DDX42: variants seen among roughly 807,000 people sequenced by gnomAD.
DDX42 encodes the protein DEAD-box helicase 42.
In DDX42, 22 loss-of-function variants were observed where a neutral mutation model predicts 101.5. The observed-to-expected ratio is 0.22, with a 90% CI of 0.15 to 0.31. The LOEUF (loss-of-function observed/expected upper bound fraction) is 0.31, where lower values mean the gene tolerates loss of function less well. Among genes scored for constraint, DDX42 ranks in the 10% least tolerant of loss-of-function variants. The pLI is 1.00. For missense variants in DDX42, 849 were observed against 1,199.9 expected, an observed-to-expected ratio of 0.71 and a Z score of 4.32; for synonymous variants, 402 against 401.2, an observed-to-expected ratio of 1.00 and a Z score of -0.02.
intron 11 of DDX42, among the ~76,000 whole-genome samples, chr17:63,809,920 C>G (rs559205159): frequency 1.3e-5 from 2 of 152,156 alleles, no homozygotes; most frequent in Admixed American, 1.3e-4. Flanking sequence ...TATCCATATG[C>G]CTTTGATCAT....
intron 16 of DDX42, 90 bp downstream of exon 16, chr17:63,815,763 C>A: frequency 1.1e-6 from 1 of 882,234 alleles, no homozygotes; most frequent in South Asian, 1.8e-5. Flanking sequence ...AGGAAAGCCT[C>A]AGTGAGTTTA....
intron 3 of DDX42, among the ~76,000 whole-genome samples, chr17:63,793,988 T>C (rs937334404): frequency 1.3e-5 from 2 of 152,056 alleles, no homozygotes; most frequent in African/African-American, 4.8e-5. Flanking sequence ...TAATTTCGCT[T>C]GCTTAGTAGT....
At chr17:63,813,152 G>A (rs1463402300) in intron 14 of DDX42, 76 bp from the exon 15 acceptor site, 5 of 1,354,500 alleles carry the variant, frequency 3.7e-6, no homozygotes. Flanking sequence ...TGGCTTATTA[G>A]CACTAGCATT....
At chr17:63,804,489 G>A (rs1009875542) in intron 6 of DDX42, among the ~76,000 whole-genome samples, 12 of 152,160 alleles carry the variant, frequency 7.9e-5, no homozygotes, top group African/African-American at 2.9e-4. Context: ...TAAAAGCAGA[G>A]CTATCTCCAA....
At position 63,793,000 on chromosome 17, in the gene DDX42, T is replaced by A. The variant is rs151219061; in HGVS notation, c.372+438T>A. ...ATGACCTCCCTGTAGAAATTTAACC[T>A]CATGACCACCTCCTTGAAACTCTTC... On this transcript the variant is annotated intron_variant, in intron 3 of 17. Transcript: ENST00000389924. Among the ~76,000 whole-genome samples the A allele has an allele frequency of 8.7e-3, 1,317 of 152,206 alleles. 18 individuals are homozygous for A. The highest frequency in any genetic ancestry group is 0.03 in the African/African-American group (1,263 of 41,468).
intron 3 of DDX42, among the ~76,000 whole-genome samples, chr17:63,793,503 A>G (rs7214312): frequency 0.28 from 42,445 of 152,002 alleles, 6,302 homozygotes; most frequent in Middle Eastern, 0.37. Flanking sequence ...TCTAGCCTCA[A>G]GTGATCCTCT....
Position 63,818,617 on chromosome 17 carries a change from T to G in DDX42, c.*219T>G, listed in dbSNP as rs548850963. 55 of 519,812 alleles carry G rather than the reference T, an allele frequency of 1.1e-4. No individual in the cohort carries two copies. Among genetic ancestry groups the G allele is most frequent in the South Asian group, 4.8e-4 (19 of 39,888 alleles). 32.2% of individuals were successfully genotyped at this position (519,812 alleles called of 1,614,324 possible). A position where few individuals can be genotyped will look rare whatever the true frequency, so the allele number is the denominator to read the frequency against. On this transcript the variant is annotated 3_prime_UTR_variant, in exon 18 of 18. Coordinates refer to ENST00000389924, the MANE Select transcript of DDX42 (RefSeq NM_203499.3). ...TGGAAGCAGTGAGAGCTGGGAAGCT[T>G]CTTTTGGCTCTAGGTGAGTTGTCAT...
At chr17:63,775,613 A>G (rs920773941) in intron 1 of DDX42, among the ~76,000 whole-genome samples, 7 of 152,170 alleles carry the variant, frequency 4.6e-5, no homozygotes, top group Non-Finnish European at 8.8e-5. Context: ...GTTCCAAGCT[A>G]GAGAATAACA....
At position 63,791,025 on chromosome 17, in the gene DDX42, G is replaced by A. The variant is rs1049043213; in HGVS notation, c.222-1387G>A. On this transcript the variant is annotated intron_variant, in intron 2 of 17. Transcript: ENST00000389924. Reference sequence around the variant, plus strand: ...AGTGTGTATATATATGTATGCATGTGTGTATATAGCATAACAGTTAAAGCT... The same window carrying A: ...AGTGTGTATATATATGTATGCATGTATGTATATAGCATAACAGTTAAAGCT... Among the ~76,000 whole-genome samples the A allele has an allele frequency of 4.6e-5, 7 of 152,344 alleles. No homozygotes were observed. The East Asian group carries it at 1.2e-3, about 25-fold the overall frequency.
chr17:63,810,046 G>A (rs964291979), intron 11 of DDX42, among the ~76,000 whole-genome samples: 1 of 152,038 alleles, frequency 6.6e-6, no homozygotes, highest in East Asian at 1.9e-4. Flanking sequence ...TAGCCCAGTT[G>A]GATGGAGGGA....
At chr17:63,814,675 CTTTTTTTTT>C (rs58211962) in intron 15 of DDX42, among the ~76,000 whole-genome samples, 3 of 90,458 alleles carry the variant, frequency 3.3e-5, no homozygotes, top group Non-Finnish European at 6.0e-5. Context: ...GAGACATTTG[CTTTTTTTTT>C]TTTTTTTTTT....
chr17:63,789,460 C>T lies in DDX42; in HGVS notation c.221+2190C>T, dbSNP rs146574580. Among the ~76,000 whole-genome samples, 1,079 of 151,688 alleles carry T rather than the reference C, an allele frequency of 7.1e-3. 16 individuals carry two copies. The highest frequency in any genetic ancestry group is 0.024 in the African/African-American group (1,012 of 41,332). On this transcript the variant is annotated intron_variant, in intron 2 of 17. Coordinates refer to ENST00000389924, the MANE Select transcript of DDX42 (RefSeq NM_203499.3). ...AACTCCTGGGCTCAAGTGATCCTCCCGCCTTGGCCTCCCAAAGTGCTGGGA... is the reference window on the plus strand; with the variant it reads ...AACTCCTGGGCTCAAGTGATCCTCCTGCCTTGGCCTCCCAAAGTGCTGGGA...
chr17:63,777,450 C>CTTT (rs1336711645), intron 1 of DDX42, among the ~76,000 whole-genome samples: 11 of 139,248 alleles, frequency 7.9e-5, no homozygotes, highest in African/African-American at 2.6e-4. Flanking sequence ...CTTTTTCTTT[C>CTTT]TTTTTTTTTT....
intron 1 of DDX42, chr17:63,776,256 A>G (rs1007645005): frequency 6.6e-5 from 10 of 152,260 alleles, no homozygotes; most frequent in Non-Finnish European, 1.5e-4. Context: ...GTCTTCCTTT[A>G]TAAGTGTGTT....
chr17:63,813,422 GT>G lies in DDX42; in HGVS notation c.1873del (p.Ser625LeufsTer5). On this transcript the variant is annotated frameshift_variant, in exon 15 of 18. Transcript: ENST00000389924. LOFTEE classifies it high-confidence loss of function. The part of the protein sequence containing the change: ...VRNLEGANQH[V>X]SKELLDLAMQ... ...GAACTTGGAAGGAGCCAATCAACAC[GT>G]TTCTAAGGAACTCCTAGATCTGGCA... 1 of 1,614,142 alleles carries G rather than the reference GT, an allele frequency of 6.2e-7. No homozygotes were observed. Among genetic ancestry groups the G allele is most frequent in the Non-Finnish European group, 8.5e-7 (1 of 1,180,034 alleles).
At chr17:63,797,266 C>T (rs1326381252) in intron 3 of DDX42, among the ~76,000 whole-genome samples, 10 of 146,430 alleles carry the variant, frequency 6.8e-5, no homozygotes, top group Admixed American at 4.3e-4. Context: ...GCAGGAGAAT[C>T]GCTTGAACCT....
Position 63,808,840 on chromosome 17 carries a change from G to T in DDX42, c.1044G>T (p.Arg348=), listed in dbSNP as rs757808323. 38 of 1,613,876 alleles carry T rather than the reference G, an allele frequency of 2.4e-5. No homozygotes were observed. The highest frequency in any genetic ancestry group is 3.2e-5 in the Non-Finnish European group (38 of 1,179,934). Residue 348 remains arginine (R), a synonymous_variant, in exon 10 of 18, where the codon CGG becomes CGT. Coordinates refer to ENST00000389924, the MANE Select transcript of DDX42 (RefSeq NM_203499.3). ...LCQQIHAECK[R]FGKAYNLRSV... ...TGTAGATCCATGCAGAATGTAAGCGGTTTGGAAAAGCATATAATCTTCGAT... is the reference window on the plus strand; with the variant it reads ...TGTAGATCCATGCAGAATGTAAGCGTTTTGGAAAAGCATATAATCTTCGAT...
At chr17:63,815,532 T>C in intron 15 of DDX42, 31 bp from the exon 16 acceptor site, 2 of 1,534,020 alleles carry the variant, frequency 1.3e-6, no homozygotes, top group Non-Finnish European at 1.8e-6. Context: ...TCTCCCTCCC[T>C]TGACTTAACC....
chr17:63,780,050 A>G (rs2039467883), intron 1 of DDX42, among the ~76,000 whole-genome samples: 2 of 152,152 alleles, frequency 1.3e-5, no homozygotes, highest in African/African-American at 4.8e-5. Context: ...TAATCCCAGC[A>G]CTTTGGGAGG....
Sources: gnomAD v4.1 joint callset for allele counts (sites outside exome capture counted in the v4.1 genomes callset) on GRCh38, gnomAD v4.1.1 for gene constraint, MANE v1.5 for transcripts, NCBI Gene and HGNC (gene_info 2026-07-23, HGNC 2026-07-21) for gene names.